The following UBE3A variants were observed in gnomAD, a reference collection of about 807,000 sequenced individuals.
UBE3A encodes ubiquitin-protein ligase E3A.
UBE3A carries 6 observed loss-of-function variants against 83.4 expected under a neutral mutation model. That is an observed-to-expected ratio of 0.07 (90% CI 0.04 to 0.14). UBE3A has a LOEUF of 0.14. Ranked by LOEUF, UBE3A falls within the 10% of genes least tolerant of loss-of-function variation. UBE3A has a pLI of 1.00. For synonymous variants in UBE3A, 337 were observed against 355.4 expected, an observed-to-expected ratio of 0.95 and a Z score of 0.58; for missense variants, 456 against 1,036.1, an observed-to-expected ratio of 0.44 and a Z score of 7.69.
At chr15:25,340,590 A>T (rs1183295560) in intron 11 of UBE3A, among the ~76,000 whole-genome samples, 1 of 152,174 alleles carries the variant, frequency 6.6e-6, no homozygotes, top group Non-Finnish European at 1.5e-5. Context: ...TGAAATGAAT[A>T]TTTGGAAAAA....
chr15:25,403,390 C>T (rs2087653718), intron 4 of UBE3A, among the ~76,000 whole-genome samples: 2 of 152,146 alleles, frequency 1.3e-5, no homozygotes, highest in African/African-American at 4.8e-5. Flanking sequence ...CACTAACCTA[C>T]AGTAACATAC....
At chr15:25,395,348 C>T (rs1191589359) in intron 4 of UBE3A, among the ~76,000 whole-genome samples, 1 of 152,158 alleles carries the variant, frequency 6.6e-6, no homozygotes, top group Non-Finnish European at 1.5e-5. Context: ...CTAGAGAATA[C>T]ACTGTAAAGC....
At position 25,367,205 on chromosome 15, in the gene UBE3A, GTAAATATGTAAATATTTA is replaced by G. The variant is rs1566940682; in HGVS notation, c.1608+3343_1608+3360del. Among the ~76,000 whole-genome samples, 364 of 93,386 alleles carry G rather than the reference GTAAATATGTAAATATTTA, an allele frequency of 3.9e-3. 2 individuals are homozygous for G. Among genetic ancestry groups the G allele is most frequent in the African/African-American group, 0.029 (298 of 10,186 alleles). 61.3% of individuals were successfully genotyped at this position (93,386 alleles called of 152,430 possible). ...TAAATATGTAAATATTTACATATTT[GTAAATATGTAAATATTTA>G]CATATTTGTAAATATGTAAATATTT... On this transcript the variant is annotated intron_variant, in intron 6 of 12. Coordinates refer to ENST00000648336, the MANE Select transcript of UBE3A (RefSeq NM_130839.5).
At chr15:25,412,520 G>C (rs746015933) in intron 1 of UBE3A, among the ~76,000 whole-genome samples, 1 of 151,944 alleles carries the variant, frequency 6.6e-6, no homozygotes, top group African/African-American at 2.4e-5. Context: ...AATATACGAC[G>C]ATAATTATAA....
chr15:25,437,929 G>A (rs563913929), intron 1 of UBE3A: 1 of 152,368 alleles, frequency 6.6e-6, no homozygotes, highest in South Asian at 2.1e-4. Context: ...AATAACTCAC[G>A]TTCAACTTCA....
chr15:25,437,739 T>C (rs1895533753), intron 1 of UBE3A, among the ~76,000 whole-genome samples: 1 of 152,220 alleles, frequency 6.6e-6, no homozygotes, highest in African/African-American at 2.4e-5. Flanking sequence ...ATTAAAATTA[T>C]TTCTAAAATT....
At chr15:25,354,785 A>T in intron 9 of UBE3A, 102 bp from the exon 10 acceptor site, 1 of 1,080,744 alleles carries the variant, frequency 9.3e-7, no homozygotes, top group South Asian at 1.5e-5. Flanking sequence ...AGAAAAAAAC[A>T]TTCAAGAATA....
At chr15:25,348,772 T>C (rs1413605552) in intron 11 of UBE3A, among the ~76,000 whole-genome samples, 1 of 152,168 alleles carries the variant, frequency 6.6e-6, no homozygotes, top group Admixed American at 6.5e-5. Flanking sequence ...GATTTCAACA[T>C]TAAAAACTAT....
intron 4 of UBE3A, among the ~76,000 whole-genome samples, chr15:25,376,328 A>AAGAT (rs1485162141): frequency 1.3e-5 from 2 of 152,208 alleles, no homozygotes; most frequent in Non-Finnish European, 2.9e-5. Context: ...GGAATATCCA[A>AAGAT]AGATAGTGTT....
In UBE3A at chr15:25,369,594, C is replaced by T. The variant is rs8192277; in HGVS notation, c.1608+972G>A. Among the ~76,000 whole-genome samples the T allele has an allele frequency of 4.6e-3, 697 of 152,100 alleles. 10 individuals are homozygous for T. The highest frequency in any genetic ancestry group is 0.031 in the Admixed American group (469 of 15,282). Reference sequence around the variant, plus strand: ...TAGTATACTATAGTATTATTAACTACCTTAATTTTTGTTGACATTAAATTT... The same window carrying T: ...TAGTATACTATAGTATTATTAACTATCTTAATTTTTGTTGACATTAAATTT... On this transcript the variant is annotated intron_variant, in intron 6 of 12. Transcript: ENST00000648336.
At chr15:25,431,480 T>G (rs150994959) in intron 1 of UBE3A, among the ~76,000 whole-genome samples, 52 of 152,202 alleles carry the variant, frequency 3.4e-4, no homozygotes, top group Middle Eastern at 6.8e-3. Context: ...GTAACTGGGA[T>G]TACAGACGTG....
At chr15:25,357,025 A>G in intron 7 of UBE3A, 129 bp from the exon 8 acceptor site, 1 of 746,896 alleles carries the variant, frequency 1.3e-6, no homozygotes, top group Non-Finnish European at 2.2e-6. Context: ...GGCATGCAAC[A>G]TTGATTTCTA....
chr15:25,359,860 G>C (rs1232219044), intron 7 of UBE3A, among the ~76,000 whole-genome samples: 4 of 152,132 alleles, frequency 2.6e-5, no homozygotes, highest in South Asian at 4.1e-4. Flanking sequence ...GGCAGAAAAA[G>C]AGTTCTGGAG....
chr15:25,394,308 C>T (rs1302910724), intron 4 of UBE3A, among the ~76,000 whole-genome samples: 1 of 152,080 alleles, frequency 6.6e-6, no homozygotes, highest in Non-Finnish European at 1.5e-5. Flanking sequence ...GTCAATTAAA[C>T]CTTTCTCTAA....
intron 3 of UBE3A, among the ~76,000 whole-genome samples, chr15:25,406,394 C>T (rs2088551171): frequency 6.6e-6 from 1 of 152,072 alleles, no homozygotes; most frequent in African/African-American, 2.4e-5. Context: ...CTACTGCTCT[C>T]TCATGTAGAA....
chr15:25,435,338 C>T (rs1033775923), intron 1 of UBE3A, among the ~76,000 whole-genome samples: 3 of 152,098 alleles, frequency 2.0e-5, no homozygotes, highest in Admixed American at 2.0e-4. Context: ...CTGTACTTAG[C>T]TCAGCTCATA....
intron 11 of UBE3A, among the ~76,000 whole-genome samples, chr15:25,341,276 T>A (rs1318299019): frequency 6.6e-6 from 1 of 151,638 alleles, no homozygotes; most frequent in Non-Finnish European, 1.5e-5. Context: ...TTCACCATGT[T>A]AGCCAGGATG....
Position 25,335,751 on chromosome 15 carries a change from T to C in UBE3A, c.*3386A>G, listed in dbSNP as rs371592730. 3.3e-5 allele frequency: 5 copies of C among 152,156 alleles called. No homozygotes were observed. Among genetic ancestry groups the C allele is most frequent in the South Asian group, 4.1e-4 (2 of 4,820 alleles). 9.4% of individuals were successfully genotyped at this position (152,156 alleles called of 1,614,324 possible). ...GAGACAGAGGTCTGAGCAAAAGATA[T>C]GGGATTGGGGAAGAATCTTTGGGAG... On this transcript the variant is annotated 3_prime_UTR_variant, in exon 13 of 13. Coordinates refer to ENST00000648336, the MANE Select transcript of UBE3A (RefSeq NM_130839.5).
At chr15:25,415,294 T>C (rs1328797674) in intron 1 of UBE3A, among the ~76,000 whole-genome samples, 1 of 152,174 alleles carries the variant, frequency 6.6e-6, no homozygotes, top group Non-Finnish European at 1.5e-5. Context: ...TTTAACACTT[T>C]CTCATGCCAA....
Sources: gnomAD v4.1 joint callset for allele counts (sites outside exome capture counted in the v4.1 genomes callset) on GRCh38, gnomAD v4.1.1 for gene constraint, MANE v1.5 for transcripts, NCBI Gene and HGNC (gene_info 2026-07-23, HGNC 2026-07-21) for gene names.